SIPA1L1: variants seen among roughly 807,000 people sequenced by gnomAD.
The protein encoded by SIPA1L1 is signal-induced proliferation-associated 1-like protein 1.
Under a neutral mutation model 162.7 loss-of-function variants are expected in SIPA1L1, and 26 were observed. The ratio of observed to expected loss-of-function variants is 0.16; its 90% CI spans 0.12 to 0.22. The LOEUF is 0.22. SIPA1L1 is among the 10% of genes least tolerant of loss of function. The probability of loss-of-function intolerance (pLI) is 1.00; values close to 1 mark genes in which losing one functional copy is unlikely to be tolerated. For missense variants in SIPA1L1, 1,874 were observed against 2,241.0 expected, an observed-to-expected ratio of 0.84 and a Z score of 3.31; for synonymous variants, 829 against 837.4, an observed-to-expected ratio of 0.99 and a Z score of 0.17.
chr14:71,735,352 T>C lies in SIPA1L1; in HGVS notation c.5084T>C (p.Leu1695Pro), dbSNP rs770278105. ...AGTGCTGCATCCAACAGTGATCAGC[T>C]GGAGGACCAGGCTCTGGCCCAGATG... Reference protein sequence around the residue: ...PLSAASNSDQLEDQALAQMKP... With the variant: ...PLSAASNSDQPEDQALAQMKP... Residue 1695 changes from leucine (L) to proline (P), a missense_variant, in exon 22 of 24, where the codon CTG becomes CCG. Around this residue, in one of 5 missense-constraint regions of SIPA1L1, gnomAD observed 936 missense variants for 1,051.9 expected, o/e 0.89. Transcript: ENST00000381232. 1.9e-6 allele frequency: 3 copies of C among 1,614,030 alleles called. No homozygotes were observed. The South Asian group carries it at 3.3e-5, about 18-fold the overall frequency.
At chr14:71,320,527 G>C (rs1304494009) in intron 1 of SIPA1L1, 24 bp downstream of exon 1, 1 of 152,378 alleles carries the variant, frequency 6.6e-6, no homozygotes, top group Non-Finnish European at 1.5e-5. Context: ...CGAGTCCCCG[G>C]CTGGAGGGTC....
chr14:71,406,130 C>G (rs1234373184), intron 2 of SIPA1L1, among the ~76,000 whole-genome samples: 1 of 152,122 alleles, frequency 6.6e-6, no homozygotes, highest in African/African-American at 2.4e-5. Flanking sequence ...ATTTATAGAT[C>G]TTCACAGAAT....
At chr14:71,378,748 A>T (rs185197642) in intron 2 of SIPA1L1, among the ~76,000 whole-genome samples, 2 of 151,224 alleles carry the variant, frequency 1.3e-5, no homozygotes, top group East Asian at 3.9e-4. Flanking sequence ...TGATTTTGTC[A>T]TTGTCCTTTT....
At chr14:71,625,317 T>TC (rs2039862804) in intron 7 of SIPA1L1, among the ~76,000 whole-genome samples, 1 of 151,806 alleles carries the variant, frequency 6.6e-6, no homozygotes, top group Admixed American at 6.6e-5. Flanking sequence ...TTTTTTTTTT[T>TC]CTGGAGACAG....
chr14:71,400,670 T>C (rs2041604349), intron 2 of SIPA1L1: 1 of 151,660 alleles, frequency 6.6e-6, no homozygotes, highest in African/African-American at 2.4e-5. Flanking sequence ...TATATGTTAA[T>C]ATATACATAT....
intron 17 of SIPA1L1, 112 bp from the exon 18 acceptor site, chr14:71,723,535 C>T: frequency 8.3e-7 from 1 of 1,204,808 alleles, no homozygotes; most frequent in East Asian, 2.4e-5. Context: ...GTTAATAGTT[C>T]ATGAAAAATT....
intron 4 of SIPA1L1, among the ~76,000 whole-genome samples, chr14:71,545,432 T>TA (rs1449984240): frequency 1.3e-5 from 2 of 152,218 alleles, no homozygotes; most frequent in Non-Finnish European, 2.9e-5. Flanking sequence ...TTTCATTAGA[T>TA]ATACTGGATT....
At chr14:71,610,808 C>T (rs1051860313) in intron 5 of SIPA1L1, among the ~76,000 whole-genome samples, 1 of 152,098 alleles carries the variant, frequency 6.6e-6, no homozygotes, top group East Asian at 1.9e-4. Context: ...CTATTAGGTG[C>T]TACTTTAGAT....
chr14:71,582,279 G>A (rs2034037281), intron 4 of SIPA1L1, among the ~76,000 whole-genome samples: 1 of 152,100 alleles, frequency 6.6e-6, no homozygotes, highest in African/African-American at 2.4e-5. Context: ...AGGCTGCAGT[G>A]AGCCATGATC....
At chr14:71,339,182 C>T (rs2035392025) in intron 2 of SIPA1L1, among the ~76,000 whole-genome samples, 1 of 152,166 alleles carries the variant, frequency 6.6e-6, no homozygotes, top group African/African-American at 2.4e-5. Context: ...GGTATAGATT[C>T]TCTGAGGATA....
intron 4 of SIPA1L1, among the ~76,000 whole-genome samples, chr14:71,571,108 T>TA (rs377246339): frequency 9.8e-5 from 15 of 152,306 alleles, no homozygotes; most frequent in African/African-American, 3.4e-4. Flanking sequence ...ATGATTTTTT[T>TA]AAACGGAAGA....
intron 2 of SIPA1L1, among the ~76,000 whole-genome samples, chr14:71,359,999 A>G (rs550493642): frequency 3.4e-4 from 52 of 152,336 alleles, no homozygotes; most frequent in African/African-American, 8.9e-4. Flanking sequence ...GTATGAGGGT[A>G]CTGTGGTGAT....
At chr14:71,346,473 G>T (rs1278392766) in intron 2 of SIPA1L1, among the ~76,000 whole-genome samples, 1 of 152,142 alleles carries the variant, frequency 6.6e-6, no homozygotes, top group East Asian at 1.9e-4. Flanking sequence ...TTTTAGAAAG[G>T]TGTCTCATGA....
chr14:71,706,208 AG>A (rs1279049124), intron 16 of SIPA1L1, among the ~76,000 whole-genome samples: 22 of 152,160 alleles, frequency 1.4e-4, no homozygotes, highest in African/African-American at 5.1e-4. Context: ...AGGTTTTCTG[AG>A]GAAAACCTTT....
chr14:71,738,425 T>TCTTC lies in SIPA1L1; in HGVS notation c.5208+102_5208+105dup, dbSNP rs566140900. The TCTTC allele has an allele frequency of 6.0e-4, 449 of 742,582 alleles. 5 individuals carry two copies. In the East Asian group the frequency reaches 0.012, roughly 20 times the overall value. The allele number at this position is 742,582 out of a possible 1,614,324, so 46.0% of individuals were successfully genotyped here. A position where few individuals can be genotyped will look rare whatever the true frequency, so the allele number is the denominator to read the frequency against. On this transcript the variant is annotated intron_variant, in intron 23 of 23. Transcript: ENST00000381232. The stretch of plus-strand genomic sequence containing the variant: ...AGCATGGTAAAATAAGACGTGGGTG[T>TCTTC]CTTCCCGGTGCCTGCATGTGTTTGG...
intron 14 of SIPA1L1, among the ~76,000 whole-genome samples, chr14:71,700,777 G>A (rs889486301): frequency 1.1e-4 from 17 of 151,970 alleles, no homozygotes; most frequent in Admixed American, 2.0e-4. Flanking sequence ...GGCGGATCAC[G>A]AGGTCAGGAG....
At chr14:71,545,489 C>T (rs2055105438) in intron 4 of SIPA1L1, among the ~76,000 whole-genome samples, 1 of 152,032 alleles carries the variant, frequency 6.6e-6, no homozygotes, top group Non-Finnish European at 1.5e-5. Flanking sequence ...TTTTGTTGTT[C>T]ACTTGCTAGT....
At chr14:71,567,456 ATT>A (rs572759563) in intron 4 of SIPA1L1, among the ~76,000 whole-genome samples, 3 of 149,742 alleles carry the variant, frequency 2.0e-5, no homozygotes. Flanking sequence ...CTTGATAGTA[ATT>A]TTTTTTTTTA....
chr14:71,498,129 C>T (rs924652428), intron 2 of SIPA1L1, among the ~76,000 whole-genome samples: 1 of 152,158 alleles, frequency 6.6e-6, no homozygotes, highest in Non-Finnish European at 1.5e-5. Context: ...TATCTTTGTA[C>T]CTCTTTGGTG....
Sources: gnomAD v4.1 joint callset for allele counts (sites outside exome capture counted in the v4.1 genomes callset) on GRCh38, gnomAD v4.1.1 for gene constraint, gnomAD v4.1.1 regional missense constraint, MANE v1.5 for transcripts, NCBI Gene and HGNC (gene_info 2026-07-23, HGNC 2026-07-21) for gene names.